ZCWPW2: variants seen among roughly 807,000 people sequenced by gnomAD.
ZCWPW2 encodes zinc finger CW-type PWWP domain protein 2.
In ZCWPW2, 45 loss-of-function variants were observed where a neutral mutation model predicts 46.6. The observed-to-expected ratio is 0.96, with a 90% CI of 0.76 to 1.24. ZCWPW2 has a LOEUF of 1.24. Ranked by LOEUF, ZCWPW2 falls within the 50% of genes most tolerant of loss-of-function variation. The probability of loss-of-function intolerance (pLI) is 0.00; values close to 1 mark genes in which losing one functional copy is unlikely to be tolerated. For synonymous variants in ZCWPW2, 152 were observed against 137.1 expected (o/e 1.11, Z -0.76); for missense variants, 429 against 403.9 (o/e 1.06, Z -0.53).
chr3:28,459,316 G>A (rs1467165847), intron 4 of ZCWPW2, among the ~76,000 whole-genome samples: 1 of 151,924 alleles, frequency 6.6e-6, no homozygotes, highest in East Asian at 1.9e-4. Context: ...GTGGCAGTGA[G>A]CCAAGATTGC....
intron 4 of ZCWPW2, among the ~76,000 whole-genome samples, chr3:28,467,767 C>T (rs1034424183): frequency 6.6e-5 from 10 of 152,338 alleles, no homozygotes; most frequent in African/African-American, 1.9e-4. Context: ...CATTACTAGG[C>T]TTACGGGGCT....
chr3:28,449,794 CT>C (rs1698152618), intron 4 of ZCWPW2, among the ~76,000 whole-genome samples: 1 of 151,892 alleles, frequency 6.6e-6, no homozygotes. Flanking sequence ...TTTTTTTAAG[CT>C]GATGCATGGT....
At position 28,485,117 on chromosome 3, in the gene ZCWPW2, A is replaced by C. The variant is rs148506701; in HGVS notation, c.610+6186A>C. ...CACTTTCATTTTCATTGAGTTCAAA[A>C]TATTTTAAAATTTTTCTTGAGTTTT... is the stretch of plus-strand genomic sequence containing the variant. On this transcript the variant is annotated intron_variant, in intron 5 of 9. Transcript: ENST00000383768. 2.9e-3 allele frequency among the ~76,000 whole-genome samples: 434 copies of C among 151,490 alleles called. 2 individuals carry two copies. The highest frequency in any genetic ancestry group is 6.8e-3 in the Middle Eastern group (2 of 294).
chr3:28,380,974 G>GTT (rs1559480744), intron 1 of ZCWPW2, among the ~76,000 whole-genome samples: 2 of 2,332 alleles, frequency 8.6e-4, no homozygotes, highest in East Asian at 0.019. Context: ...ATATATATTT[G>GTT]GTATATATAT....
chr3:28,474,620 TGC>T (rs1553640372), intron 4 of ZCWPW2, among the ~76,000 whole-genome samples: 1,640 of 121,600 alleles, frequency 0.013, 17 homozygotes, highest in South Asian at 0.037. Context: ...TGTGTGTGTG[TGC>T]GCGCGCGCGC....
At chr3:28,421,830 TAG>T (rs1491420525) in intron 3 of ZCWPW2, among the ~76,000 whole-genome samples, 102 of 117,778 alleles carry the variant, frequency 8.7e-4, no homozygotes, top group African/African-American at 3.2e-3. Flanking sequence ...TGTTGGAGAA[TAG>T]TTTGTGTGTG....
At chr3:28,399,345 C>T (rs1269668869) in intron 2 of ZCWPW2, among the ~76,000 whole-genome samples, 1 of 152,104 alleles carries the variant, frequency 6.6e-6, no homozygotes, top group Non-Finnish European at 1.5e-5. Flanking sequence ...TTCTTTCCTA[C>T]CCACCCTGGT....
At chr3:28,353,288 A>G in intron 1 of ZCWPW2, among the ~76,000 whole-genome samples, 1 of 152,334 alleles carries the variant, frequency 6.6e-6, no homozygotes, top group Non-Finnish European at 1.5e-5. Context: ...CAGTATTAGA[A>G]TTTATGTTCT....
intron 4 of ZCWPW2, among the ~76,000 whole-genome samples, chr3:28,451,933 A>T (rs773387187): frequency 6.6e-6 from 1 of 152,232 alleles, no homozygotes; most frequent in Non-Finnish European, 1.5e-5. Context: ...AAATTTTATT[A>T]AACTAATCCC....
rs1700830721 is a variant in ZCWPW2 at position 28,525,696 on chromosome 3, T to A, written c.*1008T>A. On this transcript the variant is annotated 3_prime_UTR_variant, in exon 10 of 10. Transcript: ENST00000383768. ...CAAATAAGACACCAAACAACCAACG[T>A]GTCACTCATTGAGTGGGTTGCTTCT... 6.6e-6 allele frequency among the ~76,000 whole-genome samples: 1 copy of A among 152,172 alleles called. No homozygotes were observed. The highest frequency in any genetic ancestry group is 1.5e-5 in the Non-Finnish European group (1 of 68,016).
intron 1 of ZCWPW2, among the ~76,000 whole-genome samples, chr3:28,358,405 C>T (rs964521239): frequency 4.6e-5 from 7 of 152,054 alleles, no homozygotes; most frequent in African/African-American, 1.7e-4. Context: ...TCTGATTATT[C>T]TTTTACAGTA....
intron 1 of ZCWPW2, among the ~76,000 whole-genome samples, chr3:28,374,352 G>A (rs920789044): frequency 2.0e-5 from 3 of 152,006 alleles, no homozygotes; most frequent in Non-Finnish European, 2.9e-5. Context: ...TAGTCTATGG[G>A]TCTAGTTTTA....
intron 3 of ZCWPW2, among the ~76,000 whole-genome samples, chr3:28,424,562 C>T (rs1005547708): frequency 2.6e-5 from 4 of 152,214 alleles, no homozygotes; most frequent in Admixed American, 1.3e-4. Flanking sequence ...CATCTATAAG[C>T]CAAGGAGAGG....
chr3:28,370,234 G>C (rs948703643), intron 1 of ZCWPW2, among the ~76,000 whole-genome samples: 1 of 152,242 alleles, frequency 6.6e-6, no homozygotes, highest in Non-Finnish European at 1.5e-5. Context: ...GAAATCACCC[G>C]TCTTCTGCAT....
chr3:28,360,739 A>AAAAAAC (rs1303020329), intron 1 of ZCWPW2, among the ~76,000 whole-genome samples: 1 of 152,160 alleles, frequency 6.6e-6, no homozygotes, highest in Non-Finnish European at 1.5e-5. Flanking sequence ...GCTATTATCA[A>AAAAAAC]AAAAACAAAA....
chr3:28,508,548 C>T (rs888705374), intron 6 of ZCWPW2, among the ~76,000 whole-genome samples: 12 of 152,110 alleles, frequency 7.9e-5, no homozygotes, highest in African/African-American at 1.9e-4. Flanking sequence ...GACAGAGTCG[C>T]ACTCCATCAC....
At chr3:28,417,092 T>G (rs532870013) in intron 3 of ZCWPW2, among the ~76,000 whole-genome samples, 19 of 150,516 alleles carry the variant, frequency 1.3e-4, no homozygotes, top group Admixed American at 8.6e-4. Context: ...TCAACAAAAT[T>G]GATAGACCGC....
chr3:28,475,927 A>T (rs1401670762), intron 4 of ZCWPW2, among the ~76,000 whole-genome samples: 1 of 152,034 alleles, frequency 6.6e-6, no homozygotes, highest in African/African-American at 2.4e-5. Context: ...CTTATGTTTT[A>T]TGCTTGTTAT....
rs75863614 is a variant in ZCWPW2, at chr3:28,452,121, T to G, written c.492+16852T>G. 6.9e-3 allele frequency among the ~76,000 whole-genome samples: 1,054 copies of G among 152,280 alleles called. 10 individuals carry two copies. Among genetic ancestry groups the G allele is most frequent in the African/African-American group, 0.023 (957 of 41,538 alleles). On this transcript the variant is annotated intron_variant, in intron 4 of 9. Coordinates refer to ENST00000383768, the MANE Select transcript of ZCWPW2 (RefSeq NM_001040432.4). ...GAAAAACTTTGGTAGTAATTTACAA[T>G]AGGAAAAGAATAAAGTTGTCAAAGT... is the stretch of plus-strand genomic sequence containing the variant.
Sources: gnomAD v4.1 joint callset for allele counts (sites outside exome capture counted in the v4.1 genomes callset) on GRCh38, gnomAD v4.1.1 for gene constraint, MANE v1.5 for transcripts, NCBI Gene and HGNC (gene_info 2026-07-23, HGNC 2026-07-21) for gene names.